The following PLEKHA7 variants were observed in gnomAD, a reference collection of about 807,000 sequenced individuals.
PLEKHA7 encodes pleckstrin homology domain containing A7.
A neutral mutation model predicts 170.0 loss-of-function variants in PLEKHA7; 104 were observed. The observed-to-expected ratio is 0.61, with a 90% CI of 0.52 to 0.72. PLEKHA7 has a LOEUF of 0.72. Ranked by LOEUF, PLEKHA7 falls within the 30% of genes least tolerant of loss-of-function variation. The pLI is 0.00. For synonymous variants in PLEKHA7, 648 were observed against 660.8 expected, an observed-to-expected ratio of 0.98 and a Z score of 0.30; for missense variants, 1,615 against 1,671.7, an observed-to-expected ratio of 0.97 and a Z score of 0.59.
chr11:16,983,587 T>G (rs1035102122), intron 3 of PLEKHA7, among the ~76,000 whole-genome samples: 8 of 152,216 alleles, frequency 5.3e-5, no homozygotes. Flanking sequence ...TGGCAGCTTC[T>G]GGCCTGCAGG....
chr11:16,976,432 A>T (rs192965801), intron 3 of PLEKHA7, among the ~76,000 whole-genome samples: 215 of 152,284 alleles, frequency 1.4e-3, no homozygotes, highest in African/African-American at 4.9e-3. Context: ...CCCTCACTCA[A>T]GGGGAGAAAA....
intron 4 of PLEKHA7, among the ~76,000 whole-genome samples, chr11:16,862,791 C>T (rs12802357): frequency 0.048 from 7,275 of 152,314 alleles, 326 homozygotes; most frequent in African/African-American, 0.12. Flanking sequence ...ATCATAGACA[C>T]TGTCTCCTAG....
intron 3 of PLEKHA7, among the ~76,000 whole-genome samples, chr11:16,953,975 TA>T (rs1861553135): frequency 6.6e-6 from 1 of 152,140 alleles, no homozygotes; most frequent in African/African-American, 2.4e-5. Context: ...GAAACTTATA[TA>T]AAGTTCAGAA....
intron 6 of PLEKHA7, among the ~76,000 whole-genome samples, chr11:16,854,261 G>A (rs1853238533): frequency 6.6e-6 from 1 of 152,214 alleles, no homozygotes; most frequent in Non-Finnish European, 1.5e-5. Flanking sequence ...GGATTCCAAT[G>A]AAGAATGGCC....
intron 9 of PLEKHA7, among the ~76,000 whole-genome samples, chr11:16,838,689 T>C (rs1016570692): frequency 7.9e-6 from 1 of 126,684 alleles, no homozygotes; most frequent in African/African-American, 2.7e-5. Context: ...AAATACACAG[T>C]TTTCTTTTTT....
intron 8 of PLEKHA7, among the ~76,000 whole-genome samples, chr11:16,843,958 A>C (rs1188262099): frequency 6.6e-6 from 1 of 152,108 alleles, no homozygotes; most frequent in Non-Finnish European, 1.5e-5. Flanking sequence ...AACAAACAAA[A>C]AAACAGGATA....
chr11:16,907,288 G>A (rs1445024039), intron 3 of PLEKHA7, among the ~76,000 whole-genome samples: 27 of 143,108 alleles, frequency 1.9e-4, no homozygotes, highest in African/African-American at 5.3e-4. Flanking sequence ...CCGGCCAGCC[G>A]CCCCATCCGG....
At position 16,789,032 on chromosome 11, in the gene PLEKHA7, G is replaced by A. The variant is rs1351711448; in HGVS notation, c.3357+64C>T. 1.3e-6 allele frequency: 2 copies of A among 1,539,924 alleles called. No individual in the cohort carries two copies. Among genetic ancestry groups the A allele is most frequent in the East Asian group, 4.7e-5 (2 of 42,780 alleles). On this transcript the variant is annotated intron_variant, in intron 23 of 26. Transcript: ENST00000531066. This position sits in a 1 kb window ranked among gnomAD's most constrained non-coding sequence, Gnocchi z 4.6. Reference sequence around the variant, plus strand: ...TGGGAGGTGTGATGTGCTTGTGTTTGGGGGACTCTGAGGGGCACTCGGCTC... The same window carrying A: ...TGGGAGGTGTGATGTGCTTGTGTTTAGGGGACTCTGAGGGGCACTCGGCTC...
intron 3 of PLEKHA7, among the ~76,000 whole-genome samples, chr11:16,888,009 C>T (rs1270502779): frequency 2.0e-5 from 3 of 151,886 alleles, no homozygotes; most frequent in South Asian, 2.1e-4. Context: ...CCCGCCGCCC[C>T]GTCTGGGATG....
intron 4 of PLEKHA7, among the ~76,000 whole-genome samples, chr11:16,856,277 G>C (rs1005505547): frequency 6.6e-6 from 1 of 152,264 alleles, no homozygotes; most frequent in South Asian, 2.1e-4. Context: ...CAGCACGCAA[G>C]AGCAATCCAT....
chr11:16,981,429 C>T (rs79524077), intron 3 of PLEKHA7, among the ~76,000 whole-genome samples: 5,126 of 152,226 alleles, frequency 0.034, 307 homozygotes, highest in African/African-American at 0.12. Context: ...CCTGACCACC[C>T]TGGTCCACGG....
At chr11:17,008,339 C>G in intron 3 of PLEKHA7, among the ~76,000 whole-genome samples, 1 of 152,186 alleles carries the variant, frequency 6.6e-6, no homozygotes, top group Non-Finnish European at 1.5e-5. Flanking sequence ...CAACAGGTAT[C>G]CCAGTCCCAG....
chr11:16,837,231 T>C (rs537426617), intron 9 of PLEKHA7, among the ~76,000 whole-genome samples: 1 of 152,238 alleles, frequency 6.6e-6, no homozygotes, highest in African/African-American at 2.4e-5. Flanking sequence ...AGAGAAAAAC[T>C]AGGGATGATA....
At chr11:16,794,103 C>A (rs1468082328) in intron 19 of PLEKHA7, among the ~76,000 whole-genome samples, 1 of 152,100 alleles carries the variant, frequency 6.6e-6, no homozygotes, top group Non-Finnish European at 1.5e-5. Flanking sequence ...TCACTGCCCA[C>A]AGGCTGTGTA....
At chr11:17,007,612 C>T (rs370061355) in intron 3 of PLEKHA7, among the ~76,000 whole-genome samples, 6 of 140,076 alleles carry the variant, frequency 4.3e-5, no homozygotes, top group African/African-American at 1.4e-4. Flanking sequence ...CTCATTCTGT[C>T]GCCCAGGCTG....
At chr11:16,837,044 G>A (rs1186142270) in intron 9 of PLEKHA7, among the ~76,000 whole-genome samples, 1 of 152,082 alleles carries the variant, frequency 6.6e-6, no homozygotes, top group Non-Finnish European at 1.5e-5. Flanking sequence ...GGCTGGTCTC[G>A]AACTCCTGAC....
intron 3 of PLEKHA7, among the ~76,000 whole-genome samples, chr11:16,900,851 T>A (rs7482196): frequency 7.1e-6 from 1 of 141,006 alleles, no homozygotes. Flanking sequence ...TGATTTTTTA[T>A]TTTTTTTTTT....
intron 3 of PLEKHA7, among the ~76,000 whole-genome samples, chr11:16,987,015 G>A (rs1863768193): frequency 6.6e-6 from 1 of 152,200 alleles, no homozygotes; most frequent in African/African-American, 2.4e-5. Context: ...CCCAGGGAAG[G>A]CGGAGAGGAA....
intron 10 of PLEKHA7, among the ~76,000 whole-genome samples, chr11:16,823,630 T>C (rs1457877289): frequency 6.6e-6 from 1 of 152,186 alleles, no homozygotes; most frequent in African/African-American, 2.4e-5. Context: ...CACAGCACCA[T>C]ATCTACCTAT....
Sources: allele counts gnomAD v4.1 joint callset (sites outside exome capture counted in the v4.1 genomes callset), GRCh38; gene constraint gnomAD v4.1.1; non-coding constraint Gnocchi (gnomAD v3.1); transcripts MANE v1.5; gene names NCBI Gene and HGNC (gene_info 2026-07-23, HGNC 2026-07-21).